The following CADPS variants were observed in gnomAD, a reference collection of about 807,000 sequenced individuals.
CADPS encodes calcium dependent secretion activator, also known as calcium-dependent secretion activator 1.
In CADPS, 57 loss-of-function variants were observed where a neutral mutation model predicts 167.3. The ratio of observed to expected loss-of-function variants is 0.34; its 90% CI spans 0.28 to 0.42. CADPS has a LOEUF of 0.42. CADPS is among the 20% of genes least tolerant of loss of function. The pLI, the probability that CADPS is intolerant of heterozygous loss-of-function variation, is 1.00. For missense variants in CADPS, 1,414 were observed against 1,738.1 expected (o/e 0.81, Z 3.32); for synonymous variants, 676 against 635.3 (o/e 1.06, Z -0.96).
At chr3:62,508,646 T>C (rs574469799) in intron 17 of CADPS, among the ~76,000 whole-genome samples, 34 of 152,304 alleles carry the variant, frequency 2.2e-4, no homozygotes, top group African/African-American at 7.7e-4. Flanking sequence ...CAGCTTATAA[T>C]TGATGGCCCT....
chr3:62,435,007 C>A (rs2054696528), intron 28 of CADPS, among the ~76,000 whole-genome samples: 1 of 152,080 alleles, frequency 6.6e-6, no homozygotes. Flanking sequence ...ACACAACAGT[C>A]AGAATCAACA....
intron 2 of CADPS, among the ~76,000 whole-genome samples, chr3:62,757,295 C>G (rs1045981662): frequency 2.6e-5 from 4 of 152,096 alleles, no homozygotes; most frequent in Non-Finnish European, 5.9e-5. Flanking sequence ...TTTCCTAAAG[C>G]CCTTCCACAG....
intron 6 of CADPS, among the ~76,000 whole-genome samples, chr3:62,619,125 A>T (rs755781600): frequency 6.6e-6 from 1 of 152,220 alleles, no homozygotes; most frequent in African/African-American, 2.4e-5. Context: ...AGAGTTCAAC[A>T]GTTGCAACTA....
intron 3 of CADPS, among the ~76,000 whole-genome samples, chr3:62,675,735 C>A (rs913071869): frequency 5.9e-5 from 9 of 152,070 alleles, no homozygotes; most frequent in Admixed American, 5.9e-4. Context: ...AAATGGTAAA[C>A]CACCATGAAG....
intron 21 of CADPS, among the ~76,000 whole-genome samples, chr3:62,485,949 C>G (rs893794197): frequency 1.1e-4 from 16 of 152,020 alleles, no homozygotes; most frequent in Non-Finnish European, 1.6e-4. Flanking sequence ...GGTCACCCAG[C>G]AAATTATTGG....
At chr3:62,549,725 CT>C (rs1479691326) in intron 11 of CADPS, among the ~76,000 whole-genome samples, 177 bp downstream of exon 11, 1 of 152,126 alleles carries the variant, frequency 6.6e-6, no homozygotes, top group Non-Finnish European at 1.5e-5. Context: ...AAGTATTGCA[CT>C]TTAAAATTAC....
intron 6 of CADPS, among the ~76,000 whole-genome samples, chr3:62,619,533 T>C (rs912302555): frequency 1.3e-5 from 2 of 152,070 alleles, no homozygotes; most frequent in African/African-American, 4.8e-5. Flanking sequence ...TGAAAAAACA[T>C]GGCATGAATT....
intron 5 of CADPS, among the ~76,000 whole-genome samples, chr3:62,646,804 T>C (rs2068700059): frequency 6.6e-6 from 1 of 152,200 alleles, no homozygotes; most frequent in Admixed American, 6.5e-5. Flanking sequence ...AGAAAGCTGA[T>C]TTTGAAATGC....
rs183773341 is a variant in CADPS at position 62,567,733 on chromosome 3, C to G, written c.1644+3139G>C. On this transcript the variant is annotated intron_variant, in intron 9 of 29. Transcript: ENST00000383710. ...GTGATTACAGGTGCGAGCCAGCATG[C>G]CTGGCTAGTTTTTGTATTTTTAGTA... is the stretch of plus-strand genomic sequence containing the variant. Among the ~76,000 whole-genome samples, 341 of 151,956 alleles carry G rather than the reference C, an allele frequency of 2.2e-3. 3 individuals are homozygous for G. The highest frequency in any genetic ancestry group is 8.0e-3 in the African/African-American group (330 of 41,456).
chr3:62,842,387 G>A (rs1415711218), intron 1 of CADPS, among the ~76,000 whole-genome samples: 2 of 152,168 alleles, frequency 1.3e-5, no homozygotes, highest in Admixed American at 6.5e-5. Context: ...TCCAGAATCT[G>A]TACCCCTAAC....
At position 62,699,464 on chromosome 3, in the gene CADPS, G is replaced by A. The variant is rs573331950; in HGVS notation, c.889-37070C>T. On this transcript the variant is annotated intron_variant, in intron 3 of 29. Transcript: ENST00000383710. ...AAGTGAACTGAGGTGTGACCTAGAC[G>A]TGGTCATTAAGTAAAAAACCCTTGG... is the stretch of plus-strand genomic sequence containing the variant. Among the ~76,000 whole-genome samples the A allele has an allele frequency of 1.3e-4, 20 of 152,272 alleles. 1 individual carries two copies. The highest frequency in any genetic ancestry group is 3.1e-4 in the African/African-American group (13 of 41,532).
chr3:62,555,939 A>ATT (rs2078070013), intron 10 of CADPS, among the ~76,000 whole-genome samples: 1 of 152,024 alleles, frequency 6.6e-6, no homozygotes, highest in Admixed American at 6.6e-5. Flanking sequence ...TTTTTTGTAT[A>ATT]GATGATGTCT....
At chr3:62,430,932 C>T (rs2053797790) in intron 28 of CADPS, among the ~76,000 whole-genome samples, 1 of 152,094 alleles carries the variant, frequency 6.6e-6, no homozygotes, top group Non-Finnish European at 1.5e-5. Context: ...TCTCTTCTTC[C>T]TGTAACTGCC....
intron 1 of CADPS, among the ~76,000 whole-genome samples, chr3:62,797,476 A>G (rs1188124459): frequency 6.6e-6 from 1 of 152,192 alleles, no homozygotes; most frequent in Non-Finnish European, 1.5e-5. Flanking sequence ...ATTTCCAGAA[A>G]GGCAAATTTA....
At chr3:62,578,212 AG>A (rs2082683527) in intron 8 of CADPS, among the ~76,000 whole-genome samples, 3 of 148,944 alleles carry the variant, frequency 2.0e-5, no homozygotes, top group Non-Finnish European at 3.0e-5. Flanking sequence ...TTTACAAAAA[AG>A]GCTGGAGGGG....
intron 1 of CADPS, among the ~76,000 whole-genome samples, chr3:62,766,614 G>A (rs1295245162): frequency 1.3e-5 from 2 of 152,042 alleles, no homozygotes; most frequent in African/African-American, 4.8e-5. Context: ...ATGATGTTTG[G>A]GTACAGGATA....
intron 3 of CADPS, among the ~76,000 whole-genome samples, chr3:62,739,591 T>C (rs2079759531): frequency 6.6e-6 from 1 of 152,194 alleles, no homozygotes. Flanking sequence ...TCACACTTCT[T>C]ATCTCTTGTC....
At chr3:62,436,876 A>G (rs2055178571) in intron 28 of CADPS, among the ~76,000 whole-genome samples, 1 of 152,070 alleles carries the variant, frequency 6.6e-6, no homozygotes, top group South Asian at 2.1e-4. Context: ...AGAAAAAAAA[A>G]GAAAGGAGCC....
chr3:62,538,328 G>C (rs1456116819), intron 11 of CADPS, among the ~76,000 whole-genome samples: 1 of 152,028 alleles, frequency 6.6e-6, no homozygotes, highest in Non-Finnish European at 1.5e-5. Flanking sequence ...CTGGCCCAAG[G>C]CAAGTGTCTT....
Sources: gnomAD v4.1 joint callset for allele counts (sites outside exome capture counted in the v4.1 genomes callset) on GRCh38, gnomAD v4.1.1 for gene constraint, MANE v1.5 for transcripts, NCBI Gene and HGNC (gene_info 2026-07-23, HGNC 2026-07-21) for gene names.